Variants in CRH observed in about 807,000 individuals in gnomAD.
CRH encodes corticotropin releasing hormone, also known as corticotropin-releasing hormone.
Under a neutral mutation model 11.1 loss-of-function variants are expected in CRH, and 6 were observed. The ratio of observed to expected loss-of-function variants is 0.54; its 90% CI spans 0.30 to 1.07. The LOEUF is 1.07. Ranked by LOEUF, CRH falls within the 50% of genes least tolerant of loss-of-function variation. CRH has a pLI of 0.07. For missense variants in CRH, 289 were observed against 269.4 expected (o/e 1.07, Z -0.51); for synonymous variants, 155 against 132.0 (o/e 1.17, Z -1.19).
rs770946726 is a variant in CRH, at chr8:66,177,054, C to T, written c.424G>A (p.Gly142Ser). ...LAERGARNALGGHQEAPERER... is the reference protein window; with the variant it reads ...LAERGARNALSGHQEAPERER... ...CTCTCCGGTGCCTCCTGGTGGCCGC[C>T]GAGGGCATTCCTAGCGCCGCGCTCC... The change falls in exon 2 of 2, where the codon GGC becomes AGC. Residue 142 changes from glycine to serine, a missense_variant. Coordinates refer to ENST00000276571, the MANE Select transcript of CRH (RefSeq NM_000756.4). The T allele has an allele frequency of 7.4e-6, 12 of 1,611,288 alleles. No homozygotes were observed. Among genetic ancestry groups the T allele is most frequent in the Non-Finnish European group, 1.0e-5 (12 of 1,178,656 alleles).
rs1207601874 is a variant in CRH, at chr8:66,176,965, G to T, written c.513C>A (p.Val171=). The T allele has an allele frequency of 6.2e-7, 1 of 1,614,148 alleles. No individual in the cohort carries two copies. Among genetic ancestry groups the T allele is most frequent in the Non-Finnish European group, 8.5e-7 (1 of 1,180,020 alleles). Residue 171 remains valine (V), a synonymous_variant, in exon 2 of 2, where the codon GTC becomes GTA. Transcript: ENST00000276571. The part of the protein sequence containing the change: ...LDLTFHLLRE[V]LEMARAEQLA... ...ACTGCTCGGCCCTGGCCATTTCCAA[G>T]ACTTCCCGGAGGAGGTGGAAGGTGA... is the stretch of plus-strand genomic sequence containing the variant.
Position 66,177,154 on chromosome 8 carries a change from G to A in CRH, c.324C>T (p.Thr108=). ...SGSRPSPEQA[T]ANFFRVLLQQ... ...GCAGCAACACGCGGAAAAAGTTGGC[G>A]GTCGCCTGTTCCGGCGAAGGGCGGC... Residue 108 remains threonine (T), a synonymous_variant, in exon 2 of 2, where the codon ACC becomes ACT. Coordinates refer to ENST00000276571, the MANE Select transcript of CRH (RefSeq NM_000756.4). 1.0e-5 allele frequency: 16 copies of A among 1,544,542 alleles called. No individual in the cohort carries two copies. Among genetic ancestry groups the A allele is most frequent in the Non-Finnish European group, 1.3e-5 (15 of 1,146,210 alleles).
chr8:66,177,295 A>T lies in CRH; in HGVS notation c.183T>A (p.Ala61=). The change falls in exon 2 of 2, where the codon GCT becomes GCA. Residue 61 remains alanine, a synonymous_variant. Transcript: ENST00000276571. The part of the protein sequence containing the change: ...PQSEQPQQPQ[A]RPVLLRMGEE... ...CTCCCATGCGGAGCAGGACCGGCCG[A>T]GCCTGCGGCTGCTGGGGCTGCTCGG... The T allele has an allele frequency of 6.4e-7, 1 of 1,555,296 alleles. No homozygotes were observed.
chr8:66,177,614 G>C lies in CRH; in HGVS notation c.-14-123C>G, dbSNP rs1347656051. On this transcript the variant is annotated intron_variant, in intron 1 of 1. Coordinates refer to ENST00000276571, the MANE Select transcript of CRH (RefSeq NM_000756.4). ...CTTCCTACGGGACTGCCTTAGACGT[G>C]CTGGGCTTTGGCCTCAGTGATTCGG... is the stretch of plus-strand genomic sequence containing the variant. 3 of 1,326,018 alleles carry C rather than the reference G, an allele frequency of 2.3e-6. No homozygotes were observed. The African/African-American group carries it at 4.6e-5, about 20-fold the overall frequency. The allele number at this position is 1,326,018 out of a possible 1,614,324, so 82.1% of individuals were successfully genotyped here.
At position 66,177,389 on chromosome 8, in the gene CRH, G is replaced by C. The variant is rs748404250; in HGVS notation, c.89C>G (p.Pro30Arg). The C allele has an allele frequency of 2.2e-4, 334 of 1,539,544 alleles. No homozygotes were observed. Among genetic ancestry groups the C allele is most frequent in the Non-Finnish European group, 2.7e-4 (313 of 1,146,600 alleles). The change falls in exon 2 of 2, where the codon CCG (proline) becomes CGG (arginine). Residue 30 changes from proline to arginine, a missense_variant. Pro to Arg is a moderately radical substitution (Grantham distance 103, BLOSUM62 -2). Coordinates refer to ENST00000276571, the MANE Select transcript of CRH (RefSeq NM_000756.4). The stretch of plus-strand genomic sequence containing the variant: ...CGGCGCCTGCCGAGCTCCCGGGACC[G>C]GCCCGCGGCTCAGGAGCGCCCTGCA... ...PPCRALLSRG[P>R]VPGARQAPQH...
In CRH at chr8:66,176,753, C is replaced by T; in HGVS notation, c.*134G>A. 2 of 1,128,536 alleles carry T rather than the reference C, an allele frequency of 1.8e-6. No individual in the cohort carries two copies. Among genetic ancestry groups the T allele is most frequent in the Non-Finnish European group, 1.2e-6 (1 of 832,724 alleles). The allele number at this position is 1,128,536 out of a possible 1,614,324, so 69.9% of individuals were successfully genotyped here. Reference sequence around the variant, plus strand: ...CTAAGTAAGGGGTATAGGCTCTCTCCCTCTCTCCCTCTATGTTTCAAGCTA... The same window carrying T: ...CTAAGTAAGGGGTATAGGCTCTCTCTCTCTCTCCCTCTATGTTTCAAGCTA... On this transcript the variant is annotated 3_prime_UTR_variant, in exon 2 of 2. Coordinates refer to ENST00000276571, the MANE Select transcript of CRH (RefSeq NM_000756.4).
In CRH at chr8:66,176,386, C is replaced by G. The variant is rs1811899255; in HGVS notation, c.*501G>C. 6.6e-6 allele frequency: 1 copy of G among 152,210 alleles called. No homozygotes were observed. The highest frequency in any genetic ancestry group is 6.5e-5 in the Admixed American group (1 of 15,292). The allele number at this position is 152,210 out of a possible 1,614,324, so 9.4% of individuals were successfully genotyped here. A position where few individuals can be genotyped will look rare whatever the true frequency, so the allele number is the denominator to read the frequency against. On this transcript the variant is annotated 3_prime_UTR_variant, in exon 2 of 2. Transcript: ENST00000276571. ...AGAGAAACAGTAAAGTCATGATTAC[C>G]TTTGCAACTTTTATTAAAAATATAA...
In CRH at chr8:66,177,074, C is replaced by T. The variant is rs1270220412; in HGVS notation, c.404G>A (p.Arg135His). The change falls in exon 2 of 2, where the codon CGC becomes CAC. Residue 135 changes from arginine (R) to histidine (H), a missense_variant. Coordinates refer to ENST00000276571, the MANE Select transcript of CRH (RefSeq NM_000756.4). ...SLDSPAALAE[R>H]GARNALGGHQ... ...GCCGCCGAGGGCATTCCTAGCGCCG[C>T]GCTCCGCGAGAGCCGCGGGGCTGTC... is the stretch of plus-strand genomic sequence containing the variant. The T allele has an allele frequency of 1.2e-6, 2 of 1,604,614 alleles. No individual in the cohort carries two copies. The highest frequency in any genetic ancestry group is 1.7e-6 in the Non-Finnish European group (2 of 1,174,926).
Position 66,177,418 on chromosome 8 carries a change from C to CGGGCA in CRH, c.55_59dup (p.Pro21AlafsTer8). 1 of 1,539,262 alleles carries CGGGCA rather than the reference C, an allele frequency of 6.5e-7. No homozygotes were observed. On this transcript the variant is annotated frameshift_variant, in exon 2 of 2. Transcript: ENST00000276571. LOFTEE classifies it high-confidence loss of function. ...CGCGGCTCAGGAGCGCCCTGCATGG[C>CGGGCA]GGGCAGGGCAGGAGAGCCACCAGCA...
Position 66,176,827 on chromosome 8 carries a change from T to C in CRH, c.*60A>G. The C allele has an allele frequency of 2.0e-6, 3 of 1,524,148 alleles. No individual in the cohort carries two copies. Among genetic ancestry groups the C allele is most frequent in the Non-Finnish European group, 2.6e-6 (3 of 1,137,214 alleles). 94.4% of individuals were successfully genotyped at this position (1,524,148 alleles called of 1,614,324 possible). A position where few individuals can be genotyped will look rare whatever the true frequency, so the allele number is the denominator to read the frequency against. On this transcript the variant is annotated 3_prime_UTR_variant, in exon 2 of 2. Coordinates refer to ENST00000276571, the MANE Select transcript of CRH (RefSeq NM_000756.4). ...AGAGCAGCGCTATGGTACAGAATACTGTATTTTTTTAAATTTTTTTTGTGC... is the reference window on the plus strand; with the variant it reads ...AGAGCAGCGCTATGGTACAGAATACCGTATTTTTTTAAATTTTTTTTGTGC...
chr8:66,176,610 T>A lies in CRH; in HGVS notation c.*277A>T. On this transcript the variant is annotated 3_prime_UTR_variant, in exon 2 of 2. Transcript: ENST00000276571. Reference sequence around the variant, plus strand: ...TGTCTGCTTTTTCAAACAAAACGTTTTCTCACAGGTCTACATTCTCTTTAA... The same window carrying A: ...TGTCTGCTTTTTCAAACAAAACGTTATCTCACAGGTCTACATTCTCTTTAA... The A allele has an allele frequency of 4.1e-6, 1 of 242,254 alleles. No homozygotes were observed. The highest frequency in any genetic ancestry group is 7.7e-6 in the Non-Finnish European group (1 of 129,464). 15.0% of individuals were successfully genotyped at this position (242,254 alleles called of 1,614,324 possible).
At position 66,177,089 on chromosome 8, in the gene CRH, G is replaced by T. The variant is rs1341096115; in HGVS notation, c.389C>A (p.Ala130Glu). The T allele has an allele frequency of 1.3e-6, 2 of 1,594,498 alleles. No homozygotes were observed. Among genetic ancestry groups the T allele is most frequent in the African/African-American group, 2.7e-5 (2 of 74,510 alleles). ...LLPRRSLDSP[A>E]ALAERGARNA... ...CCTAGCGCCGCGCTCCGCGAGAGCC[G>T]CGGGGCTGTCGAGCGAGCGCCGAGG... Residue 130 changes from alanine to glutamate, a missense_variant, in exon 2 of 2, where the codon GCG becomes GAG. Transcript: ENST00000276571.
chr8:66,176,861 G>A lies in CRH; in HGVS notation c.*26C>T. ...TTAAATTTTTTTTGTGCTAAATGCA[G>A]ATTCTTTTTGGCCAAACGCACCGTT... On this transcript the variant is annotated 3_prime_UTR_variant, in exon 2 of 2. Transcript: ENST00000276571. 6.4e-7 allele frequency: 1 copy of A among 1,567,718 alleles called. No individual in the cohort carries two copies. The highest frequency in any genetic ancestry group is 1.9e-5 in the Admixed American group (1 of 52,086).
chr8:66,176,812 T>C lies in CRH; in HGVS notation c.*75A>G, dbSNP rs1171033493. On this transcript the variant is annotated 3_prime_UTR_variant, in exon 2 of 2. Coordinates refer to ENST00000276571, the MANE Select transcript of CRH (RefSeq NM_000756.4). Reference sequence around the variant, plus strand: ...TAAACAAATGGCATAAGAGCAGCGCTATGGTACAGAATACTGTATTTTTTT... The same window carrying C: ...TAAACAAATGGCATAAGAGCAGCGCCATGGTACAGAATACTGTATTTTTTT... 6.8e-7 allele frequency: 1 copy of C among 1,476,558 alleles called. No individual in the cohort carries two copies. The allele number at this position is 1,476,558 out of a possible 1,614,324, so 91.5% of individuals were successfully genotyped here. A position where few individuals can be genotyped will look rare whatever the true frequency, so the allele number is the denominator to read the frequency against.
chr8:66,177,454 G>A lies in CRH; in HGVS notation c.24C>T (p.Ser8=). The A allele has an allele frequency of 1.3e-6, 2 of 1,537,688 alleles. No homozygotes were observed. Among genetic ancestry groups the A allele is most frequent in the Non-Finnish European group, 1.7e-6 (2 of 1,146,826 alleles). ...GGAGAGCCACCAGCAGGACTCCCGCGGACACAAGCAGCGGCAGCCGCATGT... is the reference window on the plus strand; with the variant it reads ...GGAGAGCCACCAGCAGGACTCCCGCAGACACAAGCAGCGGCAGCCGCATGT... MRLPLLV[S]AGVLLVALLP... is the part of the protein sequence containing the mutation. The change falls in exon 2 of 2, where the codon TCC becomes TCT. Residue 8 remains serine, a synonymous_variant. Coordinates refer to ENST00000276571, the MANE Select transcript of CRH (RefSeq NM_000756.4).
In CRH at chr8:66,176,783, A is replaced by C; in HGVS notation, c.*104T>G. On this transcript the variant is annotated 3_prime_UTR_variant, in exon 2 of 2. Transcript: ENST00000276571. Reference sequence around the variant, plus strand: ...CTCCCTCTATGTTTCAAGCTATATAAAAATAAACAAATGGCATAAGAGCAG... The same window carrying C: ...CTCCCTCTATGTTTCAAGCTATATACAAATAAACAAATGGCATAAGAGCAG... 2.9e-6 allele frequency: 4 copies of C among 1,387,216 alleles called. No individual in the cohort carries two copies. Among genetic ancestry groups the C allele is most frequent in the Non-Finnish European group, 3.8e-6 (4 of 1,052,268 alleles). The allele number at this position is 1,387,216 out of a possible 1,614,324, so 85.9% of individuals were successfully genotyped here. A position where few individuals can be genotyped will look rare whatever the true frequency, so the allele number is the denominator to read the frequency against.
At position 66,177,032 on chromosome 8, in the gene CRH, T is replaced by G; in HGVS notation, c.446A>C (p.Glu149Ala). ...NALGGHQEAP[E>A]RERRSEEPPI... ...AGGCTCCTCGGACCGCCTTTCTCTC[T>G]CCGGTGCCTCCTGGTGGCCGCCGAG... is the stretch of plus-strand genomic sequence containing the variant. Residue 149 changes from glutamate to alanine, a missense_variant, in exon 2 of 2, where the codon GAG becomes GCG. This residue lies in a region of CRH where 261 missense variants were observed against 219.0 expected (regional missense o/e 1.19). Transcript: ENST00000276571. 4 of 1,613,652 alleles carry G rather than the reference T, an allele frequency of 2.5e-6. No homozygotes were observed. The highest frequency in any genetic ancestry group is 3.4e-6 in the Non-Finnish European group (4 of 1,179,806).
chr8:66,177,196 G>A lies in CRH; in HGVS notation c.282C>T (p.Leu94=), dbSNP rs757415012. 5 of 1,540,852 alleles carry A rather than the reference G, an allele frequency of 3.2e-6. No homozygotes were observed. The highest frequency in any genetic ancestry group is 4.4e-6 in the Non-Finnish European group (5 of 1,146,890). ...AAPLSPASSL[L]AGGSGSRPSP... The stretch of plus-strand genomic sequence containing the variant: ...AAGGGCGGCTGCCGCTGCCTCCGGC[G>A]AGGAGCGAGGAGGCGGGCGAAAGGG... The change falls in exon 2 of 2, where the codon CTC becomes CTT. Residue 94 remains leucine (L), a synonymous_variant. Transcript: ENST00000276571.
rs772002261 is a variant in CRH, at chr8:66,176,853, T to G, written c.*34A>C. The stretch of plus-strand genomic sequence containing the variant: ...GTATTTTTTTAAATTTTTTTTGTGC[T>G]AAATGCAGATTCTTTTTGGCCAAAC... On this transcript the variant is annotated 3_prime_UTR_variant, in exon 2 of 2. Coordinates refer to ENST00000276571, the MANE Select transcript of CRH (RefSeq NM_000756.4). 1.9e-6 allele frequency: 3 copies of G among 1,559,634 alleles called. No individual in the cohort carries two copies. Among genetic ancestry groups the G allele is most frequent in the Middle Eastern group, 1.7e-4 (1 of 5,796 alleles).
Sources: gnomAD v4.1 joint callset for allele counts on GRCh38, gnomAD v4.1.1 for gene constraint, gnomAD v4.1.1 regional missense constraint, MANE v1.5 for transcripts, NCBI Gene and HGNC (gene_info 2026-07-23, HGNC 2026-07-21) for gene names.